The following AGBL4 variants were observed in gnomAD, a reference collection of about 807,000 sequenced individuals.
AGBL4 encodes cytosolic carboxypeptidase 6.
A neutral mutation model predicts 66.4 loss-of-function variants in AGBL4; 58 were observed. The ratio of observed to expected loss-of-function variants is 0.87; its 90% CI spans 0.71 to 1.09. The LOEUF (loss-of-function observed/expected upper bound fraction) is 1.09. Ranked by LOEUF, AGBL4 falls within the 50% of genes least tolerant of loss-of-function variation. The pLI is 0.00. For missense variants in AGBL4, 579 were observed against 631.0 expected, an observed-to-expected ratio of 0.92 and a Z score of 0.88; for synonymous variants, 234 against 222.9, an observed-to-expected ratio of 1.05 and a Z score of -0.44.
intron 12 of AGBL4, among the ~76,000 whole-genome samples, chr1:48,535,630 T>C (rs1480896144): frequency 6.6e-6 from 1 of 152,210 alleles, no homozygotes; most frequent in African/African-American, 2.4e-5. Flanking sequence ...TGTTAGGTCC[T>C]GCTTCTGTCT....
chr1:49,022,114 T>C (rs557388044), intron 5 of AGBL4, among the ~76,000 whole-genome samples: 2 of 152,324 alleles, frequency 1.3e-5, no homozygotes, highest in South Asian at 4.1e-4. Context: ...GCAGTGCATA[T>C]TAATATCTTA....
chr1:49,098,491 A>G (rs1312532820), intron 4 of AGBL4, among the ~76,000 whole-genome samples: 4 of 152,224 alleles, frequency 2.6e-5, no homozygotes, highest in Non-Finnish European at 5.9e-5. Context: ...CCGGAAGAGT[A>G]ACATCCATCA....
At chr1:49,685,554 G>T (rs898000027) in intron 3 of AGBL4, among the ~76,000 whole-genome samples, 1 of 152,070 alleles carries the variant, frequency 6.6e-6, no homozygotes, top group African/African-American at 2.4e-5. Context: ...CCACAAACTT[G>T]CCAGCATCTG....
intron 1 of AGBL4, among the ~76,000 whole-genome samples, chr1:49,999,276 A>C (rs1389781576): frequency 6.6e-6 from 1 of 151,468 alleles, no homozygotes; most frequent in Non-Finnish European, 1.5e-5. Context: ...TCTGCTATAC[A>C]CCAACAGCAA....
At chr1:48,784,485 G>A (rs1645366734) in intron 6 of AGBL4, among the ~76,000 whole-genome samples, 1 of 152,164 alleles carries the variant, frequency 6.6e-6, no homozygotes. Flanking sequence ...ATGTTCAAGA[G>A]CCTCTGAGGC....
chr1:49,473,257 G>C (rs1373899138), intron 3 of AGBL4, among the ~76,000 whole-genome samples: 1 of 152,026 alleles, frequency 6.6e-6, no homozygotes, highest in African/African-American at 2.4e-5. Context: ...TTACATTCAT[G>C]CCAACGGTGT....
chr1:49,190,879 T>C (rs915192093), intron 4 of AGBL4, among the ~76,000 whole-genome samples: 4 of 152,042 alleles, frequency 2.6e-5, no homozygotes, highest in African/African-American at 4.8e-5. Flanking sequence ...GAACTAGAAA[T>C]GTGATGTGGT....
At chr1:49,292,858 A>C (rs1003587573) in intron 3 of AGBL4, among the ~76,000 whole-genome samples, 1 of 151,974 alleles carries the variant, frequency 6.6e-6, no homozygotes, top group East Asian at 1.9e-4. Context: ...CTTACCCTCC[A>C]CTTGTCTGTG....
intron 6 of AGBL4, among the ~76,000 whole-genome samples, chr1:48,777,155 G>C (rs1273694150): frequency 1.3e-5 from 2 of 152,112 alleles, no homozygotes; most frequent in Non-Finnish European, 2.9e-5. Flanking sequence ...GAGGGAAAAG[G>C]GTTCAGAGAT....
chr1:49,111,603 C>T (rs754142052), intron 4 of AGBL4, among the ~76,000 whole-genome samples: 2 of 152,192 alleles, frequency 1.3e-5, no homozygotes, highest in Admixed American at 6.5e-5. Context: ...CTCATGCCAT[C>T]TTCTAACACT....
At chr1:48,615,526 G>A (rs1645304423) in intron 9 of AGBL4, among the ~76,000 whole-genome samples, 1 of 152,150 alleles carries the variant, frequency 6.6e-6, no homozygotes, top group Non-Finnish European at 1.5e-5. Flanking sequence ...TAAAAGTTCA[G>A]TTTTCTTCCC....
intron 3 of AGBL4, among the ~76,000 whole-genome samples, chr1:49,399,934 G>C (rs914896310): frequency 4.6e-5 from 7 of 151,968 alleles, no homozygotes; most frequent in Non-Finnish European, 1.0e-4. Context: ...CAATGTCCTG[G>C]AGAGTTTACC....
At chr1:48,867,765 A>G (rs913035594) in intron 5 of AGBL4, among the ~76,000 whole-genome samples, 3 of 152,244 alleles carry the variant, frequency 2.0e-5, no homozygotes, top group African/African-American at 7.2e-5. Flanking sequence ...AATTTCAATT[A>G]GTGATGACCA....
At chr1:48,633,468 G>A (rs955075398) in intron 9 of AGBL4, among the ~76,000 whole-genome samples, 3 of 152,174 alleles carry the variant, frequency 2.0e-5, no homozygotes, top group African/African-American at 7.2e-5. Context: ...ATCAGTCATT[G>A]AAGTTGGAAG....
At chr1:49,932,422 T>G (rs1653462695) in intron 1 of AGBL4, among the ~76,000 whole-genome samples, 1 of 152,048 alleles carries the variant, frequency 6.6e-6, no homozygotes, top group Admixed American at 6.5e-5. Context: ...AAAAACATAA[T>G]AAAAATCTTT....
At chr1:49,900,059 C>T (rs1440127618) in intron 1 of AGBL4, among the ~76,000 whole-genome samples, 7 of 151,362 alleles carry the variant, frequency 4.6e-5, no homozygotes, top group Non-Finnish European at 1.0e-4. Context: ...AAAGTTTGCT[C>T]AATAATTGGG....
chr1:48,915,424 T>A (rs968477987), intron 5 of AGBL4, among the ~76,000 whole-genome samples: 1 of 152,194 alleles, frequency 6.6e-6, no homozygotes, highest in Non-Finnish European at 1.5e-5. Context: ...TGGAACATTG[T>A]CCCCACTCCT....
chr1:49,871,312 GAGAC>G (rs1646833709), intron 1 of AGBL4, among the ~76,000 whole-genome samples: 1 of 151,962 alleles, frequency 6.6e-6, no homozygotes, highest in South Asian at 2.1e-4. Flanking sequence ...TAAGATTTGA[GAGAC>G]AGATTTAATT....
At chr1:48,725,175 C>T (rs1647214292) in intron 6 of AGBL4, among the ~76,000 whole-genome samples, 1 of 152,112 alleles carries the variant, frequency 6.6e-6, no homozygotes, top group African/African-American at 2.4e-5. Flanking sequence ...TGTTGGCTCC[C>T]CATCCATTTC....
Sources: gnomAD v4.1 joint callset for allele counts (sites outside exome capture counted in the v4.1 genomes callset) on GRCh38, gnomAD v4.1.1 for gene constraint, MANE v1.5 for transcripts, NCBI Gene and HGNC (gene_info 2026-07-23, HGNC 2026-07-21) for gene names.